ZBTB7C: variants seen among roughly 807,000 people sequenced by gnomAD.
ZBTB7C encodes zinc finger and BTB domain containing 7C.
In ZBTB7C, 8 loss-of-function variants were observed where a neutral mutation model predicts 25.7. The observed-to-expected ratio is 0.31, with a 90% confidence interval of 0.18 to 0.56. The LOEUF (loss-of-function observed/expected upper bound fraction) is 0.56, where lower values mean the gene tolerates loss of function less well. Ranked by LOEUF, ZBTB7C falls within the 20% of genes least tolerant of loss-of-function variation. The probability of loss-of-function intolerance (pLI) is 0.91; values close to 1 mark genes in which losing one functional copy is unlikely to be tolerated. For missense variants in ZBTB7C, 824 were observed against 855.2 expected (o/e 0.96, Z 0.46); for synonymous variants, 394 against 369.0 (o/e 1.07, Z -0.78).
intron 2 of ZBTB7C, among the ~76,000 whole-genome samples, chr18:48,197,819 G>A (rs909625245): frequency 1.3e-5 from 2 of 152,164 alleles, no homozygotes; most frequent in African/African-American, 4.8e-5. Flanking sequence ...CAGCCATATT[G>A]GGAGCTAGGG....
intron 2 of ZBTB7C, among the ~76,000 whole-genome samples, chr18:48,190,152 T>C (rs1480225566): frequency 1.3e-5 from 2 of 152,212 alleles, no homozygotes; most frequent in African/African-American, 4.8e-5. Context: ...GGGAGTGCAG[T>C]GTCTGTCTGT....
chr18:48,100,949 G>T (rs564799417), intron 3 of ZBTB7C, among the ~76,000 whole-genome samples: 2 of 152,076 alleles, frequency 1.3e-5, no homozygotes, highest in East Asian at 1.9e-4. Flanking sequence ...AGTGGGGAAC[G>T]GGGAAGGCAG....
chr18:48,189,921 C>A (rs532275802), intron 2 of ZBTB7C, among the ~76,000 whole-genome samples: 1 of 152,198 alleles, frequency 6.6e-6, no homozygotes, highest in Admixed American at 6.5e-5. Context: ...CTGGCCTCTG[C>A]GGGGCAGATG....
intron 2 of ZBTB7C, among the ~76,000 whole-genome samples, chr18:48,243,019 T>C (rs753970232): frequency 7.2e-5 from 11 of 151,740 alleles, no homozygotes; most frequent in Non-Finnish European, 1.3e-4. Flanking sequence ...ATCCTAACAA[T>C]TTGGGAGGCC....
rs543513610 is a variant in ZBTB7C, at chr18:48,248,454, T to C, written c.-78-62459A>G. Among the ~76,000 whole-genome samples, 49 of 152,180 alleles carry C rather than the reference T, an allele frequency of 3.2e-4. 1 individual carries two copies. The highest frequency in any genetic ancestry group is 7.1e-4 in the Non-Finnish European group (48 of 68,024). On this transcript the variant is annotated intron_variant, in intron 2 of 4. Transcript: ENST00000590800. ...GGTCTGCTTGAATGATACCTTTTGA[T>C]ACTGGCCCTCCCTGTCTTCCCTATT...
intron 3 of ZBTB7C, among the ~76,000 whole-genome samples, chr18:48,139,400 G>A (rs1345848044): frequency 6.6e-6 from 1 of 152,146 alleles, no homozygotes; most frequent in Non-Finnish European, 1.5e-5. Flanking sequence ...TGGGAGGGAA[G>A]CTGTAGGGAG....
chr18:48,160,127 G>A (rs1408496050), intron 3 of ZBTB7C, among the ~76,000 whole-genome samples: 1 of 152,218 alleles, frequency 6.6e-6, no homozygotes, highest in African/African-American at 2.4e-5. Context: ...GGGCTTGCTT[G>A]AAGTGACCAA....
At chr18:48,275,294 G>A (rs928826212) in intron 2 of ZBTB7C, among the ~76,000 whole-genome samples, 2 of 152,204 alleles carry the variant, frequency 1.3e-5, no homozygotes, top group African/African-American at 2.4e-5. Flanking sequence ...GACTATCATC[G>A]AAGTGGTTTT....
intron 2 of ZBTB7C, among the ~76,000 whole-genome samples, chr18:48,205,049 A>T (rs2042547130): frequency 6.6e-6 from 1 of 151,956 alleles, no homozygotes; most frequent in Non-Finnish European, 1.5e-5. Flanking sequence ...GGGACCAATG[A>T]CCAGGGATCC....
At chr18:48,084,163 G>A (rs1162832579) in intron 3 of ZBTB7C, among the ~76,000 whole-genome samples, 1 of 152,172 alleles carries the variant, frequency 6.6e-6, no homozygotes, top group African/African-American at 2.4e-5. Context: ...TAGCCCCGGA[G>A]CAACTAAGGA....
intron 3 of ZBTB7C, among the ~76,000 whole-genome samples, chr18:48,046,924 C>T (rs2036496842): frequency 6.6e-6 from 1 of 152,146 alleles, no homozygotes; most frequent in African/African-American, 2.4e-5. Context: ...CAGAACCCAC[C>T]CTGTGACCCT....
At chr18:48,088,916 T>C (rs1180443901) in intron 3 of ZBTB7C, among the ~76,000 whole-genome samples, 1 of 152,012 alleles carries the variant, frequency 6.6e-6, no homozygotes, top group Non-Finnish European at 1.5e-5. Context: ...GCTTCCTCAA[T>C]GCGAGGCTGC....
intron 1 of ZBTB7C, among the ~76,000 whole-genome samples, chr18:48,359,357 C>T (rs368253264): frequency 1.9e-4 from 29 of 151,914 alleles, no homozygotes; most frequent in African/African-American, 6.8e-4. Context: ...ATGATCAAAA[C>T]ATGACTTTCA....
intron 3 of ZBTB7C, among the ~76,000 whole-genome samples, chr18:48,081,437 TTTTTTC>T (rs139489453): frequency 0.066 from 9,786 of 147,878 alleles, 699 homozygotes; most frequent in African/African-American, 0.16. Flanking sequence ...AAATGATTTC[TTTTTTC>T]TTTTTCTTTT....
At chr18:48,218,960 C>A (rs2042889173) in intron 2 of ZBTB7C, among the ~76,000 whole-genome samples, 1 of 152,020 alleles carries the variant, frequency 6.6e-6, no homozygotes, top group Non-Finnish European at 1.5e-5. Context: ...CTCCCTAGAG[C>A]CCCTGCACAC....
intron 1 of ZBTB7C, among the ~76,000 whole-genome samples, chr18:48,406,117 C>T (rs780264027): frequency 1.5e-4 from 23 of 152,054 alleles, no homozygotes; most frequent in Non-Finnish European, 2.4e-4. Context: ...ACTCCTTCAG[C>T]CCTACACAGG....
At chr18:48,138,713 C>G (rs919067046) in intron 3 of ZBTB7C, among the ~76,000 whole-genome samples, 2 of 152,150 alleles carry the variant, frequency 1.3e-5, no homozygotes, top group Non-Finnish European at 2.9e-5. Flanking sequence ...TATCAAAAAC[C>G]AGGTACTCCC....
intron 2 of ZBTB7C, among the ~76,000 whole-genome samples, chr18:48,244,469 C>A (rs538490261): frequency 8.5e-5 from 13 of 152,108 alleles, no homozygotes; most frequent in Middle Eastern, 3.4e-3. Context: ...AAAGCATCTG[C>A]ACAACAAAAG....
At chr18:48,178,712 A>G (rs983363843) in intron 3 of ZBTB7C, among the ~76,000 whole-genome samples, 1 of 152,208 alleles carries the variant, frequency 6.6e-6, no homozygotes, top group African/African-American at 2.4e-5. Context: ...TCTCTGATGC[A>G]TTGTCTACTT....
Sources: gnomAD v4.1 joint callset for allele counts (sites outside exome capture counted in the v4.1 genomes callset) on GRCh38, gnomAD v4.1.1 for gene constraint, MANE v1.5 for transcripts, NCBI Gene and HGNC (gene_info 2026-07-23, HGNC 2026-07-21) for gene names.